The following DDX10 variants were observed in gnomAD, a reference collection of about 807,000 sequenced individuals.
The protein encoded by DDX10 is DEAD-box helicase 10, also known as probable ATP-dependent RNA helicase DDX10.
In DDX10, 74 loss-of-function variants were observed where a neutral mutation model predicts 104.3. The observed-to-expected ratio is 0.71, with a 90% CI of 0.59 to 0.86. The LOEUF is 0.86. Ranked by LOEUF, DDX10 falls within the 40% of genes least tolerant of loss-of-function variation. The pLI is 0.00. For synonymous variants in DDX10, 351 were observed against 353.4 expected (o/e 0.99, Z 0.08); for missense variants, 952 against 1,040.0 (o/e 0.92, Z 1.16).
intron 13 of DDX10, among the ~76,000 whole-genome samples, chr11:108,733,206 G>A (rs1317934720): frequency 1.3e-5 from 2 of 150,930 alleles, no homozygotes; most frequent in Non-Finnish European, 2.9e-5. Context: ...AAGCTTATAA[G>A]TATACTCTTA....
chr11:108,673,351 G>A (rs1471559902), intron 1 of DDX10, 116 bp from the exon 2 acceptor site: 12 of 691,590 alleles, frequency 1.7e-5, no homozygotes, highest in African/African-American at 1.1e-4. Context: ...AATTAGAAGC[G>A]ATGATTGAAT....
intron 13 of DDX10, among the ~76,000 whole-genome samples, chr11:108,786,165 A>G (rs2615727): frequency 0.72 from 109,705 of 152,064 alleles, 39,942 homozygotes; most frequent in Admixed American, 0.79. Flanking sequence ...ATTTTTGAGA[A>G]ATCTTCTTTA....
intron 6 of DDX10, among the ~76,000 whole-genome samples, chr11:108,682,228 C>G (rs931786037): frequency 2.0e-5 from 3 of 152,114 alleles, no homozygotes; most frequent in African/African-American, 7.2e-5. Flanking sequence ...CCTCAGCTTC[C>G]CGAGCAGCTG....
intron 16 of DDX10, among the ~76,000 whole-genome samples, chr11:108,904,808 C>G (rs1391038467): frequency 6.6e-6 from 1 of 151,948 alleles, no homozygotes; most frequent in African/African-American, 2.4e-5. Context: ...TATGAGCCTA[C>G]TAACTCCATG....
chr11:108,773,782 C>T (rs1289873975), intron 13 of DDX10, among the ~76,000 whole-genome samples: 9 of 152,062 alleles, frequency 5.9e-5, no homozygotes, highest in Admixed American at 5.9e-4. Flanking sequence ...GAACATAAAA[C>T]TTACTAATGT....
rs773704802 is a variant in DDX10, at chr11:108,940,279, G to A, written c.2484G>A (p.Arg828=). 7 of 1,614,014 alleles carry A rather than the reference G, an allele frequency of 4.3e-6. No individual in the cohort carries two copies. The South Asian group carries it at 7.7e-5, about 18-fold the overall frequency. ...DTKKKQGMKK[R]SNSEVEDVGP... is the part of the protein sequence containing the mutation. ...AGAAGAAGCAGGGGATGAAGAAGAG[G>A]AGCAACAGTGAAGTGGAAGACGTGG... The change falls in exon 18 of 18, where the codon AGG becomes AGA. Residue 828 remains arginine, a synonymous_variant. Transcript: ENST00000322536.
intron 13 of DDX10, among the ~76,000 whole-genome samples, chr11:108,834,825 G>A (rs749093351): frequency 2.7e-5 from 4 of 150,694 alleles, no homozygotes; most frequent in Non-Finnish European, 5.9e-5. Context: ...CTACTCCGGA[G>A]GCTGAGGCAG....
chr11:108,859,252 A>G (rs1249693475), intron 16 of DDX10, among the ~76,000 whole-genome samples: 3 of 152,194 alleles, frequency 2.0e-5, no homozygotes, highest in African/African-American at 7.2e-5. Context: ...CAAACCTTTT[A>G]CACTTGGAGT....
intron 10 of DDX10, among the ~76,000 whole-genome samples, chr11:108,707,951 C>T (rs1458663058): frequency 6.6e-6 from 1 of 152,086 alleles, no homozygotes; most frequent in Non-Finnish European, 1.5e-5. Flanking sequence ...CTATAAACAT[C>T]CATGTGAAGG....
intron 13 of DDX10, among the ~76,000 whole-genome samples, chr11:108,833,320 C>A (rs1450342705): frequency 2.6e-5 from 4 of 152,142 alleles, no homozygotes; most frequent in Non-Finnish European, 5.9e-5. Context: ...ATGTTTTGTT[C>A]TAGTTGTTTC....
chr11:108,780,541 T>G (rs1468671578), intron 13 of DDX10, among the ~76,000 whole-genome samples: 1 of 152,174 alleles, frequency 6.6e-6, no homozygotes, highest in African/African-American at 2.4e-5. Flanking sequence ...TTCTAAGAAT[T>G]TTATACTGGA....
At chr11:108,818,669 G>A (rs571557164) in intron 13 of DDX10, among the ~76,000 whole-genome samples, 1 of 151,908 alleles carries the variant, frequency 6.6e-6, no homozygotes, top group Non-Finnish European at 1.5e-5. Context: ...ATTATTGTAC[G>A]GTACAAATAA....
At chr11:108,839,238 T>G (rs182191607) in intron 14 of DDX10, among the ~76,000 whole-genome samples, 35 of 152,296 alleles carry the variant, frequency 2.3e-4, no homozygotes, top group Non-Finnish European at 1.5e-5. Context: ...CTTTTGAATA[T>G]CATCTCATGG....
chr11:108,797,311 C>T (rs368412376), intron 13 of DDX10, among the ~76,000 whole-genome samples: 10 of 152,104 alleles, frequency 6.6e-5, no homozygotes, highest in Non-Finnish European at 1.5e-4. Flanking sequence ...GGATTACAGG[C>T]GTGAGCCACC....
chr11:108,913,418 T>G (rs1172149279), intron 16 of DDX10, among the ~76,000 whole-genome samples: 3 of 152,146 alleles, frequency 2.0e-5, no homozygotes, highest in African/African-American at 7.2e-5. Context: ...CCTGCCTTAG[T>G]CTGGCTTAGT....
chr11:108,730,890 A>T (rs550095225), intron 13 of DDX10, among the ~76,000 whole-genome samples: 1 of 150,764 alleles, frequency 6.6e-6, no homozygotes, highest in East Asian at 1.9e-4. Context: ...GTATTATGTC[A>T]TGTCTGTTGA....
intron 17 of DDX10, among the ~76,000 whole-genome samples, chr11:108,924,257 G>C (rs1312008186): frequency 6.6e-6 from 1 of 152,102 alleles, no homozygotes; most frequent in Non-Finnish European, 1.5e-5. Context: ...ATCAATCTTT[G>C]CTTTGTAGAC....
chr11:108,926,406 A>T (rs1863909490), intron 17 of DDX10, among the ~76,000 whole-genome samples: 1 of 152,210 alleles, frequency 6.6e-6, no homozygotes, highest in African/African-American at 2.4e-5. Context: ...CACATATGTG[A>T]AGTAGTGGTA....
intron 16 of DDX10, among the ~76,000 whole-genome samples, chr11:108,904,637 G>T (rs764718201): frequency 6.6e-6 from 1 of 152,076 alleles, no homozygotes; most frequent in African/African-American, 2.4e-5. Flanking sequence ...AAACCATGAA[G>T]AATGTAGTAA....
Sources: allele counts gnomAD v4.1 joint callset (sites outside exome capture counted in the v4.1 genomes callset), GRCh38; gene constraint gnomAD v4.1.1; transcripts MANE v1.5; gene names NCBI Gene and HGNC (gene_info 2026-07-23, HGNC 2026-07-21).